SLC8A1: variants seen among roughly 807,000 people sequenced by gnomAD.
SLC8A1 encodes the protein solute carrier family 8 member A1.
SLC8A1 carries 18 observed loss-of-function variants against 68.3 expected under a neutral mutation model. The observed-to-expected ratio is 0.26, with a 90% confidence interval of 0.18 to 0.39. The LOEUF is 0.39. Among genes scored for constraint, SLC8A1 ranks in the 10% least tolerant of loss-of-function variants. The pLI is 1.00. For missense variants in SLC8A1, 985 were observed against 1,156.7 expected (o/e 0.85, Z 2.15); for synonymous variants, 475 against 415.5 (o/e 1.14, Z -1.74).
intron 2 of SLC8A1, among the ~76,000 whole-genome samples, chr2:40,208,185 C>A (rs17504670): frequency 0.41 from 62,955 of 151,956 alleles, 15,521 homozygotes; most frequent in Non-Finnish European, 0.56. Flanking sequence ...TCAAATTATG[C>A]CTCAGTCCAG....
exon 8 of SLC8A1, chr2:40,099,168 T>A (rs1456053932): frequency 6.6e-6 from 1 of 152,078 alleles, no homozygotes; most frequent in Non-Finnish European, 1.5e-5. Flanking sequence ...AGAGAGTATG[T>A]ATACCTCTAT....
intron 2 of SLC8A1, among the ~76,000 whole-genome samples, chr2:40,373,729 C>A (rs1168717235): frequency 6.6e-6 from 1 of 151,958 alleles, no homozygotes; most frequent in Non-Finnish European, 1.5e-5. Flanking sequence ...TTCCTACAAA[C>A]AAACAGTAGA....
intron 2 of SLC8A1, among the ~76,000 whole-genome samples, chr2:40,349,071 AG>A (rs1285517638): frequency 6.6e-6 from 1 of 152,216 alleles, no homozygotes; most frequent in Non-Finnish European, 1.5e-5. Context: ...AGGGCTTCCT[AG>A]ACTCCTTCAT....
rs938623700 is a variant in SLC8A1, at chr2:40,381,682, C to T, written c.1808+46791G>A. 5.3e-5 allele frequency among the ~76,000 whole-genome samples: 8 copies of T among 151,820 alleles called. No individual in the cohort carries two copies. In the South Asian group the frequency reaches 1.0e-3, roughly 20 times the overall value. ...TTTTAAATAAACATAGAAGTTGACT[C>T]TCCCAGTCTTAAAACTTGAGAAAGT... On this transcript the variant is annotated intron_variant, in intron 2 of 7. Transcript: ENST00000406785.
chr2:40,296,240 G>A (rs1219820361), intron 2 of SLC8A1, among the ~76,000 whole-genome samples: 1 of 152,010 alleles, frequency 6.6e-6, no homozygotes. Context: ...AAAGTGCTTC[G>A]GTTACTTTTT....
At chr2:40,267,289 G>C (rs565275178) in intron 2 of SLC8A1, among the ~76,000 whole-genome samples, 3 of 152,178 alleles carry the variant, frequency 2.0e-5, no homozygotes, top group Non-Finnish European at 4.4e-5. Flanking sequence ...TCATTTATAA[G>C]TAACACAGGG....
intron 7 of SLC8A1, chr2:40,118,611 T>TTTTG (rs1226724788): frequency 1.0e-5 from 1 of 98,540 alleles, no homozygotes; most frequent in Non-Finnish European, 2.0e-5. Context: ...AAGGAAGTTT[T>TTTTG]TTTTTTTTTT....
intron 2 of SLC8A1, among the ~76,000 whole-genome samples, chr2:40,353,362 C>T (rs889617412): frequency 6.6e-6 from 1 of 152,102 alleles, no homozygotes; most frequent in African/African-American, 2.4e-5. Context: ...CCTTCTCCAT[C>T]GTTCAACCTC....
At chr2:40,241,173 A>T (rs1385306228) in intron 2 of SLC8A1, among the ~76,000 whole-genome samples, 1 of 152,212 alleles carries the variant, frequency 6.6e-6, no homozygotes, top group African/African-American at 2.4e-5. Flanking sequence ...CAGCCATAAA[A>T]AAGAACAAAA....
intron 2 of SLC8A1, among the ~76,000 whole-genome samples, chr2:40,183,910 C>A (rs1416628602): frequency 1.3e-5 from 2 of 152,108 alleles, no homozygotes; most frequent in Non-Finnish European, 2.9e-5. Context: ...AATCCTAGCA[C>A]TTTGAGAGAT....
At chr2:40,511,331 G>A (rs58645290) in intron 1 of SLC8A1, among the ~76,000 whole-genome samples, 136 of 152,152 alleles carry the variant, frequency 8.9e-4, no homozygotes, top group Middle Eastern at 3.4e-3. Context: ...TTAAAGATAT[G>A]ACCTATAATT....
chr2:40,150,461 T>C (rs2043212178), intron 6 of SLC8A1, among the ~76,000 whole-genome samples: 1 of 152,176 alleles, frequency 6.6e-6, no homozygotes, highest in Non-Finnish European at 1.5e-5. Flanking sequence ...GGCTCCCGAC[T>C]GGGGATGAAA....
At chr2:40,337,398 T>C in intron 2 of SLC8A1, 1 of 287,076 alleles carries the variant, frequency 3.5e-6, no homozygotes, top group Non-Finnish European at 7.8e-6. Context: ...CCGAGGACCC[T>C]AAATTCTATA....
intron 2 of SLC8A1, among the ~76,000 whole-genome samples, chr2:40,212,005 T>A (rs2056666899): frequency 6.6e-6 from 1 of 152,178 alleles, no homozygotes; most frequent in Admixed American, 6.5e-5. Flanking sequence ...ACAAAATATA[T>A]TTAGAGCATA....
At chr2:40,327,942 T>C (rs574632243) in intron 2 of SLC8A1, among the ~76,000 whole-genome samples, 63 of 142,974 alleles carry the variant, frequency 4.4e-4, no homozygotes, top group African/African-American at 1.6e-3. Context: ...AATAAATACA[T>C]GCAGAAATAA....
chr2:40,167,520 T>C (rs2046752220), intron 4 of SLC8A1, among the ~76,000 whole-genome samples: 1 of 152,168 alleles, frequency 6.6e-6, no homozygotes, highest in African/African-American at 2.4e-5. Context: ...AGTATGGGAA[T>C]GACAAAAATT....
chr2:40,244,724 C>G (rs1404512982), intron 2 of SLC8A1, among the ~76,000 whole-genome samples: 2 of 152,162 alleles, frequency 1.3e-5, no homozygotes, highest in Non-Finnish European at 2.9e-5. Context: ...TGGGCTTTAG[C>G]TCTGCAAGAA....
intron 2 of SLC8A1, among the ~76,000 whole-genome samples, chr2:40,303,941 GA>G (rs1436305219): frequency 1.3e-5 from 2 of 152,110 alleles, no homozygotes; most frequent in African/African-American, 4.8e-5. Context: ...TTTTCTTTCA[GA>G]GCAAGTAAAA....
At chr2:40,218,181 T>C (rs2057777622) in intron 2 of SLC8A1, among the ~76,000 whole-genome samples, 1 of 152,184 alleles carries the variant, frequency 6.6e-6, no homozygotes, top group South Asian at 2.1e-4. Flanking sequence ...AAGTTACACT[T>C]TATCAGTATT....
Sources: gnomAD v4.1 joint callset for allele counts (sites outside exome capture counted in the v4.1 genomes callset) on GRCh38, gnomAD v4.1.1 for gene constraint, MANE v1.5 for transcripts, NCBI Gene and HGNC (gene_info 2026-07-23, HGNC 2026-07-21) for gene names.